MROH1: variants seen among roughly 807,000 people sequenced by gnomAD.
MROH1 encodes the protein maestro heat-like repeat-containing protein family member 1.
Under a neutral mutation model 116.5 loss-of-function variants are expected in MROH1, and 117 were observed. The ratio of observed to expected loss-of-function variants is 1.00; its 90% CI spans 0.86 to 1.17. MROH1 has a LOEUF of 1.17. Ranked by LOEUF, MROH1 falls within the 50% of genes most tolerant of loss-of-function variation. The pLI is 0.00. For missense variants in MROH1, 1,873 were observed against 1,338.5 expected (o/e 1.40, Z -6.23); for synonymous variants, 921 against 583.9 (o/e 1.58, Z -8.32).
intron 39 of MROH1, 135 bp from the exon 40 acceptor site, chr8:144,260,542 C>T: frequency 4.0e-6 from 3 of 747,714 alleles, no homozygotes; most frequent in East Asian, 4.9e-5. Flanking sequence ...GCAGCCCCCA[C>T]CCGTAAGGCC....
Position 144,259,260 on chromosome 8 carries a change from G to A in MROH1, c.3950G>A (p.Gly1317Glu), listed in dbSNP as rs890034276. ...CCCAGGGCCATGGCTGAGCACGCAG[G>A]GCCCCGACTCCCCCTGGTGCTGAAG... ...RLARAMAEHA[G>E]PRLPLVLKTL... Residue 1317 changes from glycine to glutamate, a missense_variant, in exon 37 of 44, where the codon GGG becomes GAG. Coordinates refer to ENST00000326134, the MANE Select transcript of MROH1 (RefSeq NM_032450.3). 1.4e-5 allele frequency: 10 copies of A among 714,316 alleles called. No homozygotes were observed. Among genetic ancestry groups the A allele is most frequent in the Admixed American group, 2.0e-5 (1 of 49,988 alleles). 44.2% of individuals were successfully genotyped at this position (714,316 alleles called of 1,614,324 possible).
At chr8:144,164,935 C>T (rs1321796403) in intron 3 of MROH1, among the ~76,000 whole-genome samples, 1 of 152,128 alleles carries the variant, frequency 6.6e-6, no homozygotes, top group Non-Finnish European at 1.5e-5. Flanking sequence ...CTTGCTGTGT[C>T]ATCTCATAAC....
At chr8:144,243,968 C>T in intron 26 of MROH1, 26 bp downstream of exon 26, 1 of 777,478 alleles carries the variant, frequency 1.3e-6, no homozygotes, top group Non-Finnish European at 2.4e-6. Context: ...TCTGCACAGG[C>T]CCGTGCAGCT....
At chr8:144,173,227 C>G (rs1026095792) in intron 4 of MROH1, among the ~76,000 whole-genome samples, 5 of 150,852 alleles carry the variant, frequency 3.3e-5, no homozygotes, top group Non-Finnish European at 7.4e-5. Flanking sequence ...CTCAGCCTCA[C>G]AAGTAGCTGG....
chr8:144,214,468 TGAG>T (rs1196990861), intron 12 of MROH1: 2 of 152,160 alleles, frequency 1.3e-5, no homozygotes, highest in African/African-American at 2.4e-5. Flanking sequence ...CCCATAAACT[TGAG>T]GAGTGAATAA....
intron 12 of MROH1, among the ~76,000 whole-genome samples, chr8:144,208,966 C>T (rs2132055438): frequency 6.6e-6 from 1 of 151,894 alleles, no homozygotes; most frequent in Middle Eastern, 3.4e-3. Context: ...TCAGGTGATC[C>T]ACCTGCCTCA....
At chr8:144,259,715 A>G (rs1844624048) in intron 37 of MROH1, among the ~76,000 whole-genome samples, 196 bp from the exon 38 acceptor site, 1 of 152,258 alleles carries the variant, frequency 6.6e-6, no homozygotes, top group African/African-American at 2.4e-5. Flanking sequence ...CGTGCAGCAG[A>G]GCACAGCGGG....
At chr8:144,250,112 C>T in intron 32 of MROH1, 100 bp from the exon 33 acceptor site, 1 of 701,052 alleles carries the variant, frequency 1.4e-6, no homozygotes, top group Non-Finnish European at 2.6e-6. Context: ...CTCTGCATCT[C>T]ATGGGGCTCC....
Position 144,179,540 on chromosome 8 carries a change from C to G in MROH1, c.254C>G (p.Ala85Gly). 1.2e-6 allele frequency: 2 copies of G among 1,613,346 alleles called. No individual in the cohort carries two copies. The highest frequency in any genetic ancestry group is 1.7e-6 in the Non-Finnish European group (2 of 1,179,728). Reference protein sequence around the residue: ...SRASELDKDTASTIILLASSE... With the variant: ...SRASELDKDTGSTIILLASSE... ...GCCAGTGAGCTGGACAAGGACACAG[C>G]CAGCACCATCATCCTCCTGGCCTCC... Residue 85 changes from alanine (A) to glycine (G), a missense_variant, in exon 5 of 44, where the codon GCC becomes GGC. Physicochemically the swap from Ala to Gly is moderately conservative, Grantham distance 60. Transcript: ENST00000326134.
At chr8:144,187,866 C>T (rs190335914) in intron 7 of MROH1, among the ~76,000 whole-genome samples, 3 of 152,192 alleles carry the variant, frequency 2.0e-5, no homozygotes, top group Admixed American at 1.3e-4. Context: ...CAGAGGGAGG[C>T]TTTATGGGGA....
chr8:144,175,085 A>G, intron 4 of MROH1: 8 of 985,448 alleles, frequency 8.1e-6, no homozygotes, highest in Non-Finnish European at 9.6e-6. Flanking sequence ...GCAACTTGAG[A>G]TGTGTTTCCA....
chr8:144,198,657 G>C (rs1830453926), intron 10 of MROH1, among the ~76,000 whole-genome samples: 1 of 152,130 alleles, frequency 6.6e-6, no homozygotes, highest in African/African-American at 2.4e-5. Flanking sequence ...GACTCCAGAA[G>C]TTTTGGGTTC....
In MROH1 at chr8:144,239,032, T is replaced by G. The variant is rs1360996544; in HGVS notation, c.1447-3T>G. 2 of 777,732 alleles carry G rather than the reference T, an allele frequency of 2.6e-6. No homozygotes were observed. Among genetic ancestry groups the G allele is most frequent in the Admixed American group, 3.4e-5 (2 of 59,012 alleles). 48.2% of individuals were successfully genotyped at this position (777,732 alleles called of 1,614,324 possible). ...ATGCAGACCAGGCCCTCTGCTCCCCTAGGTCCTCTGGCCATACCTGCTCCA... is the reference window on the plus strand; with the variant it reads ...ATGCAGACCAGGCCCTCTGCTCCCCGAGGTCCTCTGGCCATACCTGCTCCA... On this transcript the variant is annotated splice_polypyrimidine_tract_variant and splice_region_variant and intron_variant, in intron 15 of 43. Transcript: ENST00000326134.
In MROH1 at chr8:144,154,664, TC is replaced by T. The variant is rs1436057827; in HGVS notation, c.-176-6305del. On this transcript the variant is annotated intron_variant, in intron 1 of 43. Transcript: ENST00000326134. ...TGTGTAGCTGTGATTCAATACTGCA[TC>T]TTTTTTTTTTTTTTTTTTTGAGACA... 5.8e-3 allele frequency among the ~76,000 whole-genome samples: 858 copies of T among 149,124 alleles called. 3 individuals carry two copies. The highest frequency in any genetic ancestry group is 9.4e-3 in the Non-Finnish European group (633 of 67,278).
chr8:144,200,596 C>T, intron 12 of MROH1, 55 bp downstream of exon 12: 2 of 1,198,790 alleles, frequency 1.7e-6, no homozygotes, highest in Non-Finnish European at 2.4e-6. Flanking sequence ...CAGGATGGAG[C>T]AGGTCCTGGC....
chr8:144,241,606 G>T, intron 22 of MROH1, 89 bp downstream of exon 22: 1 of 769,280 alleles, frequency 1.3e-6, no homozygotes, highest in Non-Finnish European at 2.4e-6. Context: ...GAGTGGGGCA[G>T]GAAGCTGGTT....
At chr8:144,244,609 C>T (rs1841575492) in intron 28 of MROH1, 70 bp downstream of exon 28, 2 of 715,380 alleles carry the variant, frequency 2.8e-6, no homozygotes, top group Admixed American at 2.0e-5. Context: ...GCTGCTGGCC[C>T]TCTCTCCACA....
intron 7 of MROH1, among the ~76,000 whole-genome samples, chr8:144,186,120 ATT>A (rs35879853): frequency 5.1e-5 from 7 of 137,196 alleles, no homozygotes; most frequent in African/African-American, 8.1e-5. Flanking sequence ...ACAGTTTCCA[ATT>A]TTTTTTTTTT....
Position 144,195,195 on chromosome 8 carries a change from T to TAAAAAAAAAAAAAA in MROH1, c.948+2805_948+2818dup, listed in dbSNP as rs561902621. ...GGGTGACAGTGCGAGACTGTGTCTT[T>TAAAAAAAAAAAAAA]AAAAAAAAAAAAAAAAAAAAAAAAG... On this transcript the variant is annotated intron_variant, in intron 10 of 43. Transcript: ENST00000326134. 9.6e-3 allele frequency among the ~76,000 whole-genome samples: 112 copies of TAAAAAAAAAAAAAA among 11,682 alleles called. 41 individuals carry two copies. The highest frequency in any genetic ancestry group is 0.011 in the Admixed American group (5 of 438). 7.7% of individuals were successfully genotyped at this position (11,682 alleles called of 152,430 possible). A position where few individuals can be genotyped will look rare whatever the true frequency, so the allele number is the denominator to read the frequency against.
Sources: gnomAD v4.1 joint callset for allele counts (sites outside exome capture counted in the v4.1 genomes callset) on GRCh38, gnomAD v4.1.1 for gene constraint, MANE v1.5 for transcripts, NCBI Gene and HGNC (gene_info 2026-07-23, HGNC 2026-07-21) for gene names.